The following CNTNAP2 variants were observed in gnomAD, a reference collection of about 807,000 sequenced individuals.
CNTNAP2 encodes the protein contactin-associated protein-like 2.
A neutral mutation model predicts 155.2 loss-of-function variants in CNTNAP2; 98 were observed. That is an observed-to-expected ratio of 0.63 (90% CI 0.54 to 0.75). The LOEUF (loss-of-function observed/expected upper bound fraction) is 0.75, where lower values mean the gene tolerates loss of function less well. Among genes scored for constraint, CNTNAP2 ranks in the 30% least tolerant of loss-of-function variants. The probability of loss-of-function intolerance (pLI) is 0.00; values close to 1 mark genes in which losing one functional copy is unlikely to be tolerated. For missense variants in CNTNAP2, 1,727 were observed against 1,688.1 expected, an observed-to-expected ratio of 1.02 and a Z score of -0.40; for synonymous variants, 651 against 631.2, an observed-to-expected ratio of 1.03 and a Z score of -0.47.
chr7:146,654,336 C>T (rs945421319), intron 1 of CNTNAP2, among the ~76,000 whole-genome samples: 1 of 151,892 alleles, frequency 6.6e-6, no homozygotes, highest in African/African-American at 2.4e-5. Flanking sequence ...TGTGTTTACA[C>T]TGATGAATGT....
intron 2 of CNTNAP2, among the ~76,000 whole-genome samples, chr7:146,778,750 A>G (rs912078516): frequency 6.6e-6 from 1 of 152,348 alleles, no homozygotes; most frequent in Admixed American, 6.5e-5. Flanking sequence ...CTGGTTAGAA[A>G]GAATGGTCAG....
intron 9 of CNTNAP2, among the ~76,000 whole-genome samples, chr7:147,307,723 CT>C (rs1389359484): frequency 1.3e-5 from 2 of 152,086 alleles, no homozygotes; most frequent in Non-Finnish European, 2.9e-5. Context: ...ATCTTTTTAT[CT>C]TTTTTCTAGG....
intron 1 of CNTNAP2, among the ~76,000 whole-genome samples, chr7:146,475,488 G>C (rs1796864445): frequency 6.6e-6 from 1 of 152,182 alleles, no homozygotes; most frequent in African/African-American, 2.4e-5. Flanking sequence ...AGGCCTTTAG[G>C]ATCAGTCTGT....
chr7:147,453,228 T>C (rs1281489490), intron 10 of CNTNAP2, among the ~76,000 whole-genome samples: 1 of 152,168 alleles, frequency 6.6e-6, no homozygotes, highest in Non-Finnish European at 1.5e-5. Context: ...CTTTTCCTCC[T>C]GGTAAACTTC....
At chr7:146,430,842 T>G (rs1341305506) in intron 1 of CNTNAP2, among the ~76,000 whole-genome samples, 1 of 152,018 alleles carries the variant, frequency 6.6e-6, no homozygotes, top group African/African-American at 2.4e-5. Flanking sequence ...GAGCTTCATA[T>G]GATCAAGAAC....
intron 9 of CNTNAP2, among the ~76,000 whole-genome samples, chr7:147,334,596 C>T (rs138537153): frequency 1.8e-3 from 278 of 152,238 alleles, no homozygotes; most frequent in African/African-American, 6.3e-3. Flanking sequence ...TAGAAGTGAA[C>T]TGATCTGCAC....
At chr7:148,168,952 C>T (rs1422671963) in intron 17 of CNTNAP2, among the ~76,000 whole-genome samples, 1 of 152,066 alleles carries the variant, frequency 6.6e-6, no homozygotes, top group Non-Finnish European at 1.5e-5. Context: ...TGACCAAAGG[C>T]AGGAATCACA....
rs1248254771 is a variant in CNTNAP2 at position 148,416,214 on chromosome 7, T to G, written c.*598T>G. 1 of 149,540 alleles carries G rather than the reference T, an allele frequency of 6.7e-6. No homozygotes were observed. The highest frequency in any genetic ancestry group is 2.7e-5 in the African/African-American group (1 of 37,602). 9.3% of individuals were successfully genotyped at this position (149,540 alleles called of 1,614,324 possible). On this transcript the variant is annotated 3_prime_UTR_variant, in exon 24 of 24. Coordinates refer to ENST00000361727, the MANE Select transcript of CNTNAP2 (RefSeq NM_014141.6). The stretch of plus-strand genomic sequence containing the variant: ...ATGCCAGCTCTCTGGCATCTGGGGT[T>G]CCTGACTGATACCAGCAGTTGAAGG...
At chr7:147,048,636 A>G (rs997520708) in intron 4 of CNTNAP2, among the ~76,000 whole-genome samples, 20 of 152,192 alleles carry the variant, frequency 1.3e-4, no homozygotes, top group Non-Finnish European at 2.9e-4. Flanking sequence ...CTAGCCACTA[A>G]CCATATGTGG....
At chr7:146,957,375 T>G (rs2129229479) in intron 3 of CNTNAP2, among the ~76,000 whole-genome samples, 1 of 152,328 alleles carries the variant, frequency 6.6e-6, no homozygotes, top group Non-Finnish European at 1.5e-5. Flanking sequence ...ATATAGGCAG[T>G]GTGTCCTTGA....
chr7:147,616,571 A>G (rs982374226), intron 12 of CNTNAP2, among the ~76,000 whole-genome samples: 2 of 151,900 alleles, frequency 1.3e-5, no homozygotes, highest in Non-Finnish European at 2.9e-5. Context: ...ATCTTAGATT[A>G]CTCTTCCCAT....
intron 20 of CNTNAP2, among the ~76,000 whole-genome samples, chr7:148,239,785 T>G (rs758187580): frequency 7.2e-5 from 11 of 152,070 alleles, no homozygotes; most frequent in Non-Finnish European, 1.5e-4. Flanking sequence ...CACTGAGAGG[T>G]CTGGCCAGCC....
chr7:148,126,536 C>A (rs536145995), intron 16 of CNTNAP2, among the ~76,000 whole-genome samples: 6 of 151,946 alleles, frequency 3.9e-5, no homozygotes, highest in Non-Finnish European at 7.4e-5. Flanking sequence ...GCAGTTTGGG[C>A]GGTAAGAAGA....
intron 4 of CNTNAP2, among the ~76,000 whole-genome samples, chr7:147,082,258 G>T: frequency 6.6e-6 from 1 of 152,196 alleles, no homozygotes; most frequent in East Asian, 1.9e-4. Context: ...CCAAAGAATA[G>T]TTTAGGACCA....
intron 1 of CNTNAP2, among the ~76,000 whole-genome samples, chr7:146,566,395 A>T (rs1257927728): frequency 6.6e-6 from 1 of 152,210 alleles, no homozygotes; most frequent in Admixed American, 6.5e-5. Context: ...TTATTTCTCA[A>T]ATTTTTAGAC....
At chr7:148,143,764 C>G (rs1311482474) in intron 16 of CNTNAP2, among the ~76,000 whole-genome samples, 1 of 152,200 alleles carries the variant, frequency 6.6e-6, no homozygotes, top group South Asian at 2.1e-4. Flanking sequence ...TCCTCTGTAT[C>G]TCTGACATTT....
chr7:148,194,136 A>AGTGTGTGTGTGTGT (rs5888309), intron 18 of CNTNAP2, among the ~76,000 whole-genome samples: 1 of 141,794 alleles, frequency 7.1e-6, no homozygotes, highest in African/African-American at 2.6e-5. Context: ...ATGCCTGGCT[A>AGTGTGTGTGTGTGT]GTGTGTGTGT....
At chr7:148,192,615 A>G (rs1459029966) in intron 18 of CNTNAP2, among the ~76,000 whole-genome samples, 3 of 152,282 alleles carry the variant, frequency 2.0e-5, no homozygotes, top group Middle Eastern at 3.4e-3. Flanking sequence ...TACAAGAGCA[A>G]AACTCCGTCT....
At chr7:147,600,181 C>T in intron 12 of CNTNAP2, among the ~76,000 whole-genome samples, 1 of 152,218 alleles carries the variant, frequency 6.6e-6, no homozygotes, top group Non-Finnish European at 1.5e-5. Flanking sequence ...TGTCTCATAA[C>T]TTGATCACTC....
Sources: allele counts gnomAD v4.1 joint callset (sites outside exome capture counted in the v4.1 genomes callset), GRCh38; gene constraint gnomAD v4.1.1; transcripts MANE v1.5; gene names NCBI Gene and HGNC (gene_info 2026-07-23, HGNC 2026-07-21).